QTGAL: variants seen among roughly 807,000 people sequenced by gnomAD.
The protein encoded by QTGAL is queuosine-tRNA galactosyltransferase.
chr17:83,019,131 C>A, the QTGAL span, among the ~76,000 whole-genome samples: 1 of 152,158 alleles, frequency 6.6e-6, no homozygotes, highest in Non-Finnish European at 1.5e-5. Context: ...GCCTCTGAGT[C>A]CACGTCCAGA....
the QTGAL span, chr17:83,006,449 C>T: frequency 1.0e-6 from 1 of 984,804 alleles, no homozygotes; most frequent in Non-Finnish European, 1.2e-6. This position sits in a 1 kb window ranked among gnomAD's most constrained non-coding sequence, Gnocchi z 5.8. Flanking sequence ...TAGAGAGACC[C>T]TCTGTGCCCT....
chr17:82,963,317 T>G, the QTGAL span, among the ~76,000 whole-genome samples: 1 of 152,106 alleles, frequency 6.6e-6, no homozygotes, highest in Non-Finnish European at 1.5e-5. Context: ...CCACCCGCCC[T>G]TCTCTAGAGC....
chr17:82,950,046 CG>C, the QTGAL span: 1 of 152,250 alleles, frequency 6.6e-6, no homozygotes, highest in Non-Finnish European at 1.5e-5. Flanking sequence ...CAGTAGAGCC[CG>C]GGGGCTCCAG....
the QTGAL span, among the ~76,000 whole-genome samples, chr17:82,989,009 C>T: frequency 3.3e-5 from 5 of 152,078 alleles, no homozygotes; most frequent in African/African-American, 7.2e-5. Flanking sequence ...TGGTACATAC[C>T]CAAAGGAATA....
chr17:83,044,956 A>T, the QTGAL span, among the ~76,000 whole-genome samples: 1 of 152,140 alleles, frequency 6.6e-6, no homozygotes, highest in Non-Finnish European at 1.5e-5. Context: ...AAAAAAAAAA[A>T]AAGAAAGAAT....
At chr17:82,969,223 G>A in the QTGAL span, among the ~76,000 whole-genome samples, 2,025 of 151,948 alleles carry the variant, frequency 0.013, 61 homozygotes, top group African/African-American at 0.047. Context: ...GCAGTGGCGC[G>A]ATCTCAGCTC....
the QTGAL span, among the ~76,000 whole-genome samples, chr17:83,030,397 GAGA>G: frequency 1.3e-5 from 2 of 152,216 alleles, no homozygotes; most frequent in African/African-American, 4.8e-5. Context: ...GGGATTAGCG[GAGA>G]AGGAGGCAAA....
chr17:83,022,164 A>G, the QTGAL span, among the ~76,000 whole-genome samples: 1 of 152,264 alleles, frequency 6.6e-6, no homozygotes, highest in Non-Finnish European at 1.5e-5. Flanking sequence ...CAAAAAGCAC[A>G]AATCTTATTT....
At chr17:83,005,261 T>G in the QTGAL span, 1 of 1,438,352 alleles carries the variant, frequency 7.0e-7, no homozygotes, top group Non-Finnish European at 9.7e-7. The surrounding 1 kb of genome is among the most constrained non-coding windows in gnomAD (Gnocchi z 5.6). Context: ...GGTACGCAGG[T>G]GCATGTGCAC....
the QTGAL span, among the ~76,000 whole-genome samples, chr17:82,972,454 G>A: frequency 5.7e-4 from 45 of 78,328 alleles, no homozygotes; most frequent in African/African-American, 1.5e-3. Context: ...AGGACCTGGT[G>A]CTGACCACAC....
chr17:82,970,609 G>A, the QTGAL span, among the ~76,000 whole-genome samples: 2 of 141,782 alleles, frequency 1.4e-5, no homozygotes, highest in Admixed American at 7.0e-5. Context: ...GCGTGGCCGC[G>A]ACCTCCCCAC....
At chr17:82,992,385 T>C in the QTGAL span, among the ~76,000 whole-genome samples, 2 of 152,314 alleles carry the variant, frequency 1.3e-5, no homozygotes, top group Non-Finnish European at 2.9e-5. Flanking sequence ...CAGGTCAGTC[T>C]TTCATGCCTA....
the QTGAL span, among the ~76,000 whole-genome samples, chr17:83,001,947 A>T: frequency 6.6e-6 from 1 of 152,086 alleles, no homozygotes; most frequent in East Asian, 1.9e-4. Flanking sequence ...TGTTTCGTAG[A>T]GACAGGGTCT....
the QTGAL span, among the ~76,000 whole-genome samples, chr17:83,000,748 C>T: frequency 1.3e-5 from 2 of 152,174 alleles, no homozygotes; most frequent in Non-Finnish European, 2.9e-5. Flanking sequence ...GAGAAAAACC[C>T]AAGTGTACGT....
the QTGAL span, among the ~76,000 whole-genome samples, chr17:82,959,560 A>C: frequency 1.3e-5 from 2 of 151,516 alleles, no homozygotes; most frequent in Non-Finnish European, 2.9e-5. Flanking sequence ...GGGTTTTGGC[A>C]TCTTGTCCTT....
the QTGAL span, chr17:82,947,012 C>A: frequency 6.5e-7 from 1 of 1,548,550 alleles, no homozygotes. Flanking sequence ...TCAGCTCAGT[C>A]CGGTCTCCTG....
chr17:83,028,293 G>A, the QTGAL span, among the ~76,000 whole-genome samples: 8 of 151,780 alleles, frequency 5.3e-5, no homozygotes, highest in East Asian at 1.6e-3. Flanking sequence ...GGGAGGCCGA[G>A]GCGGGCGGAT....
chr17:83,010,108 G>A, the QTGAL span, among the ~76,000 whole-genome samples: 3 of 138,994 alleles, frequency 2.2e-5, no homozygotes, highest in African/African-American at 5.2e-5. Flanking sequence ...GGTGTGGGGG[G>A]GGCTGCGGGG....
chr17:82,986,007 G>C, the QTGAL span, among the ~76,000 whole-genome samples: 2 of 152,224 alleles, frequency 1.3e-5, no homozygotes, highest in African/African-American at 2.4e-5. Flanking sequence ...CAAGTGCTGA[G>C]TGCCTGGGAT....
Sources: allele counts gnomAD v4.1 joint callset (sites outside exome capture counted in the v4.1 genomes callset), GRCh38; gene constraint gnomAD v4.1.1; non-coding constraint Gnocchi (gnomAD v3.1); transcripts MANE v1.5; gene names NCBI Gene and HGNC (gene_info 2026-07-23, HGNC 2026-07-21).